The following UBXN10 variants were observed in gnomAD, a reference collection of about 807,000 sequenced individuals.
UBXN10 encodes the protein UBX domain-containing protein 10.
UBXN10 carries 6 observed loss-of-function variants against 6.9 expected under a neutral mutation model. That is an observed-to-expected ratio of 0.87 (90% CI 0.48 to 1.72). The LOEUF is 1.72. UBXN10 is among the 40% of genes most tolerant of loss of function. The pLI, the probability that UBXN10 is intolerant of heterozygous loss-of-function variation, is 0.01. For missense variants in UBXN10, 317 were observed against 348.4 expected, an observed-to-expected ratio of 0.91 and a Z score of 0.72; for synonymous variants, 131 against 135.2, an observed-to-expected ratio of 0.97 and a Z score of 0.21.
rs2018554717 is a variant in UBXN10 at position 20,193,764 on chromosome 1, A to T, written c.*2360A>T. 1 of 167,088 alleles carries T rather than the reference A, an allele frequency of 6.0e-6. No homozygotes were observed. Among genetic ancestry groups the T allele is most frequent in the African/African-American group, 2.4e-5 (1 of 41,448 alleles). 10.4% of individuals were successfully genotyped at this position (167,088 alleles called of 1,614,324 possible). A position where few individuals can be genotyped will look rare whatever the true frequency, so the allele number is the denominator to read the frequency against. ...GTCACCTGAATTTTTCCTAAACATC[A>T]TTCCAAGTACTCTGATTTTGGGGAT... On this transcript the variant is annotated 3_prime_UTR_variant, in exon 2 of 2. Coordinates refer to ENST00000375099, the MANE Select transcript of UBXN10 (RefSeq NM_152376.5).
chr1:20,191,413 C>G lies in UBXN10; in HGVS notation c.*9C>G. On this transcript the variant is annotated 3_prime_UTR_variant, in exon 2 of 2. Coordinates refer to ENST00000375099, the MANE Select transcript of UBXN10 (RefSeq NM_152376.5). This position sits in a 1 kb window ranked among gnomAD's most constrained non-coding sequence, Gnocchi z 4.5. ...GGGAAGGGTGGCCCTGAGTCCACAG[C>G]CACCCAGCTGAGGTCCTGGGTCTCT... 1 of 1,603,072 alleles carries G rather than the reference C, an allele frequency of 6.2e-7. No individual in the cohort carries two copies. Among genetic ancestry groups the G allele is most frequent in the Non-Finnish European group, 8.5e-7 (1 of 1,172,504 alleles).
At position 20,190,964 on chromosome 1, in the gene UBXN10, A is replaced by C. The variant is rs1263557142; in HGVS notation, c.403A>C (p.Lys135Gln). The stretch of plus-strand genomic sequence containing the variant: ...GGAGGAGGCTGTGGAAACCGTTGCC[A>C]AAAAGGCCAGCTCACTGCAACTGAG... ...LEEEAVETVA[K>Q]KASSLQLSSI... Residue 135 changes from lysine (K) to glutamine (Q), a missense_variant, in exon 2 of 2, where the codon AAA (lysine) becomes CAA (glutamine). Transcript: ENST00000375099. The C allele has an allele frequency of 6.2e-7, 1 of 1,614,040 alleles. No individual in the cohort carries two copies. The highest frequency in any genetic ancestry group is 8.5e-7 in the Non-Finnish European group (1 of 1,180,034).
rs2018500836 is a variant in UBXN10 at position 20,191,465 on chromosome 1, T to C, written c.*61T>C. The C allele has an allele frequency of 1.9e-6, 3 of 1,551,000 alleles. No individual in the cohort carries two copies. The highest frequency in any genetic ancestry group is 2.6e-6 in the Non-Finnish European group (3 of 1,149,610). ...AGCAAAGGAGCATGCTTGGGCGTTG[T>C]GGCCTCTTAGGCAGCCTGTTTCAAG... On this transcript the variant is annotated 3_prime_UTR_variant, in exon 2 of 2. Coordinates refer to ENST00000375099, the MANE Select transcript of UBXN10 (RefSeq NM_152376.5). This position sits in a 1 kb window ranked among gnomAD's most constrained non-coding sequence, Gnocchi z 4.5.
chr1:20,188,607 G>T (rs1309688343), intron 1 of UBXN10, among the ~76,000 whole-genome samples: 6 of 152,246 alleles, frequency 3.9e-5, no homozygotes, highest in Non-Finnish European at 8.8e-5. Flanking sequence ...CATTCTGCAG[G>T]AAGTGAATCT....
rs2018559962 is a variant in UBXN10 at position 20,193,960 on chromosome 1, T to C, written c.*2556T>C. The C allele has an allele frequency of 6.0e-6, 1 of 167,126 alleles. No individual in the cohort carries two copies. Among genetic ancestry groups the C allele is most frequent in the Non-Finnish European group, 1.5e-5 (1 of 68,132 alleles). The allele number at this position is 167,126 out of a possible 1,614,324, so 10.4% of individuals were successfully genotyped here. On this transcript the variant is annotated 3_prime_UTR_variant, in exon 2 of 2. Coordinates refer to ENST00000375099, the MANE Select transcript of UBXN10 (RefSeq NM_152376.5). ...GGGTCATAGACCTCAGTTATTCATTTAACCGATGGCCATTGAGGGCTTACC... is the reference window on the plus strand; with the variant it reads ...GGGTCATAGACCTCAGTTATTCATTCAACCGATGGCCATTGAGGGCTTACC...
rs2100739216 is a variant in UBXN10, at chr1:20,193,626, G to A, written c.*2222G>A. 1 of 167,126 alleles carries A rather than the reference G, an allele frequency of 6.0e-6. No individual in the cohort carries two copies. Among genetic ancestry groups the A allele is most frequent in the African/African-American group, 2.4e-5 (1 of 41,548 alleles). 10.4% of individuals were successfully genotyped at this position (167,126 alleles called of 1,614,324 possible). On this transcript the variant is annotated 3_prime_UTR_variant, in exon 2 of 2. Coordinates refer to ENST00000375099, the MANE Select transcript of UBXN10 (RefSeq NM_152376.5). ...CAGTTTTCTCATTGGGAAAGCACTTGTTCCACTGTTAGAACCAAGTCCTCC... is the reference window on the plus strand; with the variant it reads ...CAGTTTTCTCATTGGGAAAGCACTTATTCCACTGTTAGAACCAAGTCCTCC...
rs1237104071 is a variant in UBXN10 at position 20,194,343 on chromosome 1, A to T, written c.*2939A>T. On this transcript the variant is annotated 3_prime_UTR_variant, in exon 2 of 2. Transcript: ENST00000375099. The stretch of plus-strand genomic sequence containing the variant: ...GTAAGTGATTCATCATCTAGAATCC[A>T]GAAAATTTGCACCAACAGATGGCAG... 6.0e-6 allele frequency: 1 copy of T among 167,144 alleles called. No individual in the cohort carries two copies. Among genetic ancestry groups the T allele is most frequent in the East Asian group, 1.9e-4 (1 of 5,212 alleles). 10.4% of individuals were successfully genotyped at this position (167,144 alleles called of 1,614,324 possible).
chr1:20,188,021 G>A (rs942043434), intron 1 of UBXN10, among the ~76,000 whole-genome samples: 3 of 152,204 alleles, frequency 2.0e-5, no homozygotes, highest in South Asian at 2.1e-4. Context: ...AGGGTGGGCC[G>A]AGAGGGGCGT....
Position 20,193,357 on chromosome 1 carries a change from T to C in UBXN10, c.*1953T>C, listed in dbSNP as rs1458105088. 1 of 167,100 alleles carries C rather than the reference T, an allele frequency of 6.0e-6. No individual in the cohort carries two copies. The highest frequency in any genetic ancestry group is 1.5e-5 in the Non-Finnish European group (1 of 68,130). The allele number at this position is 167,100 out of a possible 1,614,324, so 10.4% of individuals were successfully genotyped here. ...TTAGGGTTTGCTGCTGCTGGTGAGC[T>C]TAGAATTTTGGGGTTGGGAAAAAGT... On this transcript the variant is annotated 3_prime_UTR_variant, in exon 2 of 2. Transcript: ENST00000375099.
chr1:20,190,085 AAG>A (rs1196442222), intron 1 of UBXN10, among the ~76,000 whole-genome samples: 2 of 152,216 alleles, frequency 1.3e-5, no homozygotes, highest in Admixed American at 6.5e-5. Flanking sequence ...AAAGAATCAA[AAG>A]AGAGTATTTT....
In UBXN10 at chr1:20,191,547, C is replaced by T. The variant is rs967470468; in HGVS notation, c.*143C>T. 1.5e-6 allele frequency: 2 copies of T among 1,301,304 alleles called. No homozygotes were observed. Among genetic ancestry groups the T allele is most frequent in the African/African-American group, 3.0e-5 (2 of 66,966 alleles). 80.6% of individuals were successfully genotyped at this position (1,301,304 alleles called of 1,614,324 possible). On this transcript the variant is annotated 3_prime_UTR_variant, in exon 2 of 2. Transcript: ENST00000375099. This position sits in a 1 kb window ranked among gnomAD's most constrained non-coding sequence, Gnocchi z 4.5. ...TGGGACTCTCGTCTGCACTGCGTGT[C>T]CTCTGAAGCAGTGAAGTCTGTGCCT...
Position 20,187,847 on chromosome 1 carries a change from G to A in UBXN10, c.-16+1694G>A, listed in dbSNP as rs2018427095. On this transcript the variant is annotated intron_variant, in intron 1 of 1. Transcript: ENST00000375099. This position sits in a 1 kb window ranked among gnomAD's most constrained non-coding sequence, Gnocchi z 4.6. ...AAAAATAATCCCACAGAGAGCCTGT[G>A]AGAACACATGACTCTCCTCATCAAA... is the stretch of plus-strand genomic sequence containing the variant. Among the ~76,000 whole-genome samples, 5 of 152,208 alleles carry A rather than the reference G, an allele frequency of 3.3e-5. No homozygotes were observed. The South Asian group carries it at 1.0e-3, about 32-fold the overall frequency.
At position 20,187,861 on chromosome 1, in the gene UBXN10, C is replaced by G. The variant is rs529655804; in HGVS notation, c.-16+1708C>G. Among the ~76,000 whole-genome samples the G allele has an allele frequency of 6.6e-6, 1 of 152,194 alleles. No homozygotes were observed. The highest frequency in any genetic ancestry group is 2.4e-5 in the African/African-American group (1 of 41,446). The stretch of plus-strand genomic sequence containing the variant: ...AGAGAGCCTGTGAGAACACATGACT[C>G]TCCTCATCAAAGTTGTTAAGGAAGA... On this transcript the variant is annotated intron_variant, in intron 1 of 1. Coordinates refer to ENST00000375099, the MANE Select transcript of UBXN10 (RefSeq NM_152376.5). This position sits in a 1 kb window ranked among gnomAD's most constrained non-coding sequence, Gnocchi z 4.6.
chr1:20,190,943 G>A lies in UBXN10; in HGVS notation c.382G>A (p.Glu128Lys), dbSNP rs1252753403. Residue 128 changes from glutamate (E) to lysine (K), a missense_variant, in exon 2 of 2, where the codon GAG becomes AAG. Glu to Lys is a moderately conservative substitution (Grantham distance 56). Coordinates refer to ENST00000375099, the MANE Select transcript of UBXN10 (RefSeq NM_152376.5). ...PSINRKNLEE[E>K]AVETVAKKAS... is the part of the protein sequence containing the mutation. ...CATCAACAGAAAGAACCTGGAGGAG[G>A]AGGCTGTGGAAACCGTTGCCAAAAA... 1 of 1,614,132 alleles carries A rather than the reference G, an allele frequency of 6.2e-7. No homozygotes were observed.
chr1:20,194,239 T>C lies in UBXN10; in HGVS notation c.*2835T>C, dbSNP rs7542020. ...GAACTTTGCATAGGACAAACCTTCA[T>C]GATAGGTTACTCTAGTATATTCCCT... On this transcript the variant is annotated 3_prime_UTR_variant, in exon 2 of 2. Coordinates refer to ENST00000375099, the MANE Select transcript of UBXN10 (RefSeq NM_152376.5). The C allele has an allele frequency of 0.33, 55,842 of 166,980 alleles. 10,902 individuals are homozygous for C. The highest frequency in any genetic ancestry group is 0.55 in the African/African-American group (22,811 of 41,476). The allele number at this position is 166,980 out of a possible 1,614,324, so 10.3% of individuals were successfully genotyped here.
At chr1:20,184,541 G>C (rs1458620805), upstream of UBXN10, 1 of 152,226 alleles carries the variant, frequency 6.6e-6, no homozygotes, top group Admixed American at 6.5e-5. Context: ...CAACTCCCAC[G>C]GGTCACAGAC....
At chr1:20,184,796 G>A (rs1311920232), upstream of UBXN10, among the ~76,000 whole-genome samples, 1 of 152,064 alleles carries the variant, frequency 6.6e-6, no homozygotes, top group Non-Finnish European at 1.5e-5. Context: ...GAGGAGGGAG[G>A]GAGGTGGGAG....
At position 20,193,304 on chromosome 1, in the gene UBXN10, A is replaced by T. The variant is rs1278938833; in HGVS notation, c.*1900A>T. The T allele has an allele frequency of 6.0e-6, 1 of 167,134 alleles. No homozygotes were observed. Among genetic ancestry groups the T allele is most frequent in the Non-Finnish European group, 1.5e-5 (1 of 68,134 alleles). The allele number at this position is 167,134 out of a possible 1,614,324, so 10.4% of individuals were successfully genotyped here. The stretch of plus-strand genomic sequence containing the variant: ...TAGAAAACTTGAGTGAAATGGAGCA[A>T]GCTTGAAGGAGTTAGAATCTTCTGT... On this transcript the variant is annotated 3_prime_UTR_variant, in exon 2 of 2. Transcript: ENST00000375099.
chr1:20,190,098 G>A (rs1480285920), intron 1 of UBXN10, among the ~76,000 whole-genome samples: 2 of 152,142 alleles, frequency 1.3e-5, no homozygotes, highest in Non-Finnish European at 2.9e-5. Flanking sequence ...AGAGTATTTT[G>A]TGACACATGA....
Sources: allele counts gnomAD v4.1 joint callset (sites outside exome capture counted in the v4.1 genomes callset), GRCh38; gene constraint gnomAD v4.1.1; non-coding constraint Gnocchi (gnomAD v3.1); transcripts MANE v1.5; gene names NCBI Gene and HGNC (gene_info 2026-07-23, HGNC 2026-07-21).